Variants in HS3ST5 observed in about 807,000 individuals in gnomAD.
HS3ST5 encodes heparan sulfate-glucosamine 3-sulfotransferase 5, also known as heparan sulfate glucosamine 3-O-sulfotransferase 5.
In HS3ST5, 10 loss-of-function variants were observed where a neutral mutation model predicts 25.4. That is an observed-to-expected ratio of 0.39 (90% confidence interval 0.24 to 0.67). The LOEUF is 0.67. HS3ST5 is among the 30% of genes least tolerant of loss of function. HS3ST5 has a pLI of 0.44. For missense variants in HS3ST5, 324 were observed against 420.7 expected, an observed-to-expected ratio of 0.77 and a Z score of 2.01; for synonymous variants, 170 against 162.4, an observed-to-expected ratio of 1.05 and a Z score of -0.36.
intron 3 of HS3ST5, among the ~76,000 whole-genome samples, chr6:114,136,319 T>A (rs1224883546): frequency 6.6e-6 from 1 of 152,150 alleles, no homozygotes; most frequent in Non-Finnish European, 1.5e-5. Context: ...TCTCATGAGA[T>A]CTAATGGTTT....
chr6:114,320,912 C>CTATATA, intron 1 of HS3ST5, among the ~76,000 whole-genome samples: 1 of 116,694 alleles, frequency 8.6e-6, no homozygotes, highest in African/African-American at 3.4e-5. Context: ...CTCTCTCTCT[C>CTATATA]TCTATATATA....
At chr6:114,104,465 A>G (rs1304439366) in intron 3 of HS3ST5, among the ~76,000 whole-genome samples, 2 of 152,168 alleles carry the variant, frequency 1.3e-5, no homozygotes, top group Non-Finnish European at 2.9e-5. Flanking sequence ...GAGGTTTCCC[A>G]CAATTGGTCC....
intron 3 of HS3ST5, among the ~76,000 whole-genome samples, chr6:114,069,176 T>C (rs1456525298): frequency 6.6e-6 from 1 of 152,136 alleles, no homozygotes; most frequent in East Asian, 1.9e-4. Flanking sequence ...ACGACTGAAC[T>C]TATATAGCAG....
chr6:114,339,699 T>C (rs980597448), intron 1 of HS3ST5, among the ~76,000 whole-genome samples: 1 of 152,132 alleles, frequency 6.6e-6, no homozygotes, highest in Admixed American at 6.5e-5. Context: ...GCACAGATAG[T>C]TATATTACTC....
intron 3 of HS3ST5, among the ~76,000 whole-genome samples, chr6:114,151,008 C>A (rs530816476): frequency 1.3e-5 from 2 of 152,212 alleles, no homozygotes; most frequent in African/African-American, 4.8e-5. Flanking sequence ...GAATAAAAAA[C>A]CAGAAAGCAC....
At chr6:114,248,302 G>A (rs904831154) in intron 1 of HS3ST5, among the ~76,000 whole-genome samples, 2 of 149,984 alleles carry the variant, frequency 1.3e-5, no homozygotes, top group African/African-American at 4.9e-5. Flanking sequence ...TTGGGAACTA[G>A]ATCTATAGTA....
At chr6:114,163,702 T>C (rs1275713769) in intron 3 of HS3ST5, among the ~76,000 whole-genome samples, 1 of 152,184 alleles carries the variant, frequency 6.6e-6, no homozygotes, top group African/African-American at 2.4e-5. Context: ...ACTTAAGGTC[T>C]CTAAGGCAGC....
intron 3 of HS3ST5, 122 bp from the exon 4 acceptor site, chr6:114,062,999 T>C (rs941268472): frequency 4.2e-5 from 24 of 577,662 alleles, no homozygotes; most frequent in South Asian, 3.8e-4. Flanking sequence ...CCATACCAAC[T>C]CTCACAAGTG....
At chr6:114,295,874 A>G (rs1255304994) in intron 1 of HS3ST5, among the ~76,000 whole-genome samples, 2 of 152,164 alleles carry the variant, frequency 1.3e-5, no homozygotes, top group Non-Finnish European at 2.9e-5. Flanking sequence ...GGCAAATAAG[A>G]TAGTCATAAG....
intron 3 of HS3ST5, among the ~76,000 whole-genome samples, chr6:114,156,425 G>A (rs781296069): frequency 6.6e-6 from 1 of 152,308 alleles, no homozygotes; most frequent in Admixed American, 6.5e-5. Flanking sequence ...ATCAAAACTG[G>A]TATGTATTTT....
chr6:114,313,861 A>G (rs7746252), intron 1 of HS3ST5, among the ~76,000 whole-genome samples: 5,400 of 152,262 alleles, frequency 0.035, 323 homozygotes, highest in African/African-American at 0.12. Context: ...AGAAATAAGG[A>G]AATTCCTTGC....
chr6:114,131,291 A>G (rs1013288554), intron 3 of HS3ST5: 1 of 152,224 alleles, frequency 6.6e-6, no homozygotes, highest in Non-Finnish European at 1.5e-5. Context: ...AGTAGATCAT[A>G]TTTCAGGAGA....
At chr6:114,308,720 C>T (rs1157236925) in intron 1 of HS3ST5, among the ~76,000 whole-genome samples, 1 of 152,080 alleles carries the variant, frequency 6.6e-6, no homozygotes. Context: ...CTGAACTGCC[C>T]CAGCACCCAG....
At chr6:114,075,087 T>G (rs1774037612) in intron 3 of HS3ST5, among the ~76,000 whole-genome samples, 1 of 152,240 alleles carries the variant, frequency 6.6e-6, no homozygotes, top group African/African-American at 2.4e-5. Flanking sequence ...GAACTGCAGA[T>G]GCAGGAAATA....
At chr6:114,135,027 G>T (rs1263949953) in intron 3 of HS3ST5, among the ~76,000 whole-genome samples, 1 of 152,194 alleles carries the variant, frequency 6.6e-6, no homozygotes, top group Non-Finnish European at 1.5e-5. Context: ...ACTTGGTGAC[G>T]CTGGTTTTCT....
Position 114,342,639 on chromosome 6 carries a change from G to C in HS3ST5, c.-783C>G, listed in dbSNP as rs978189264. The stretch of plus-strand genomic sequence containing the variant: ...GCCGGAGACCGCAGCCGCTCTGCGG[G>C]GGGAGGTGCGCATCCTCCTTGCCCC... On this transcript the variant is annotated 5_prime_UTR_variant, in exon 1 of 5. Coordinates refer to ENST00000312719, the MANE Select transcript of HS3ST5 (RefSeq NM_153612.4). 1.3e-5 allele frequency: 2 copies of C among 152,812 alleles called. No homozygotes were observed. The highest frequency in any genetic ancestry group is 2.9e-5 in the Non-Finnish European group (2 of 68,502). The allele number at this position is 152,812 out of a possible 1,614,324, so 9.5% of individuals were successfully genotyped here.
chr6:114,248,602 G>A (rs762155594), intron 1 of HS3ST5, among the ~76,000 whole-genome samples: 3 of 152,178 alleles, frequency 2.0e-5, no homozygotes, highest in Non-Finnish European at 4.4e-5. Context: ...TGATGGTTCT[G>A]CCGTTCATTC....
chr6:114,217,104 C>A (rs1405530091), intron 2 of HS3ST5, among the ~76,000 whole-genome samples: 2 of 152,150 alleles, frequency 1.3e-5, no homozygotes, highest in Non-Finnish European at 2.9e-5. Flanking sequence ...CATTTACTAA[C>A]GGATTTAGCT....
intron 3 of HS3ST5, among the ~76,000 whole-genome samples, chr6:114,083,679 C>A (rs1292821345): frequency 6.6e-6 from 1 of 152,138 alleles, no homozygotes; most frequent in Non-Finnish European, 1.5e-5. Flanking sequence ...GTGTAGAAAT[C>A]TTTTCATTTA....
Sources: gnomAD v4.1 joint callset for allele counts (sites outside exome capture counted in the v4.1 genomes callset) on GRCh38, gnomAD v4.1.1 for gene constraint, MANE v1.5 for transcripts, NCBI Gene and HGNC (gene_info 2026-07-23, HGNC 2026-07-21) for gene names.